The following PRDM16 variants were observed in gnomAD, a reference collection of about 807,000 sequenced individuals.
PRDM16 encodes PR/SET domain 16.
Under a neutral mutation model 110.6 loss-of-function variants are expected in PRDM16, and 23 were observed. That is an observed-to-expected ratio of 0.21 (90% confidence interval 0.15 to 0.29). The LOEUF (loss-of-function observed/expected upper bound fraction) is 0.29. Among genes scored for constraint, PRDM16 ranks in the 10% least tolerant of loss-of-function variants. The pLI is 1.00. For synonymous variants in PRDM16, 799 were observed against 781.8 expected (o/e 1.02, Z -0.37); for missense variants, 1,615 against 1,794.3 (o/e 0.90, Z 1.81).
intron 2 of PRDM16, among the ~76,000 whole-genome samples, chr1:3,231,406 T>C (rs4648460): frequency 0.12 from 17,180 of 146,358 alleles, 1,567 homozygotes; most frequent in South Asian, 0.29. Flanking sequence ...CAAGGCCGTC[T>C]CCCCTTCTCC....
At chr1:3,074,186 C>T (rs1200763025) in intron 1 of PRDM16, among the ~76,000 whole-genome samples, 1 of 152,184 alleles carries the variant, frequency 6.6e-6, no homozygotes, top group African/African-American at 2.4e-5. Flanking sequence ...GACAGGACAC[C>T]TCCTCCCTTC....
At chr1:3,159,556 G>A (rs1171538721) in intron 1 of PRDM16, among the ~76,000 whole-genome samples, 1 of 152,174 alleles carries the variant, frequency 6.6e-6, no homozygotes, top group Non-Finnish European at 1.5e-5. Context: ...TTTTCCTTAT[G>A]ACCCCTTTAA....
chr1:3,429,701 G>A (rs578170008), intron 14 of PRDM16, among the ~76,000 whole-genome samples: 4 of 152,202 alleles, frequency 2.6e-5, no homozygotes, highest in Non-Finnish European at 5.9e-5. Flanking sequence ...CAACACAGGC[G>A]ACCAGGACCG....
intron 2 of PRDM16, among the ~76,000 whole-genome samples, chr1:3,241,260 C>G (rs1639667943): frequency 6.6e-6 from 1 of 152,252 alleles, no homozygotes; most frequent in South Asian, 2.1e-4. Context: ...CATCGGGCGC[C>G]GGTTTCCTCT....
chr1:3,389,586 G>A (rs568479921), intron 4 of PRDM16, among the ~76,000 whole-genome samples: 1 of 152,308 alleles, frequency 6.6e-6, no homozygotes, highest in South Asian at 2.1e-4. Context: ...GGCCACATTG[G>A]GCCATGAATT....
intron 3 of PRDM16, among the ~76,000 whole-genome samples, chr1:3,269,515 TGGGAGGAGGACAGTC>T (rs1314222001): frequency 6.9e-5 from 7 of 101,666 alleles, no homozygotes; most frequent in Non-Finnish European, 1.4e-4. Context: ...GGAGGACAGT[TGGGAGGAGGACAGTC>T]GGGGAGGAGC....
rs199507963 is a variant in PRDM16 at position 3,409,737 on chromosome 1, G to GGT, written c.1187-1637_1187-1636dup. On this transcript the variant is annotated intron_variant, in intron 8 of 16. Transcript: ENST00000270722. Reference sequence around the variant, plus strand: ...TGGTTTGTGTGGTGTGTGTAGTGTGGGTGTGTGTGTGGTGTGGGTGTGAGT... The same window carrying GGT: ...TGGTTTGTGTGGTGTGTGTAGTGTGGGTGTGTGTGTGTGGTGTGGGTGTGAGT... 4.8e-5 allele frequency among the ~76,000 whole-genome samples: 7 copies of GGT among 145,938 alleles called. No homozygotes were observed. The East Asian group carries it at 6.3e-4, about 13-fold the overall frequency.
At chr1:3,262,415 A>G (rs983114277) in intron 3 of PRDM16, among the ~76,000 whole-genome samples, 1 of 152,244 alleles carries the variant, frequency 6.6e-6, no homozygotes, top group Admixed American at 6.5e-5. Context: ...AAATTCAACC[A>G]GACCGAGCAG....
Position 3,390,154 on chromosome 1 carries a change from G to C in PRDM16, c.573+4868G>C, listed in dbSNP as rs115313466. 1.3e-5 allele frequency among the ~76,000 whole-genome samples: 2 copies of C among 152,300 alleles called. No individual in the cohort carries two copies. The highest frequency in any genetic ancestry group is 2.1e-4 in the South Asian group (1 of 4,830). ...AAGAGCTTGGCGATGAAGCGCCTGCGGGGGGATGCGGGAGGCAGGGAGGAG... is the reference window on the plus strand; with the variant it reads ...AAGAGCTTGGCGATGAAGCGCCTGCCGGGGGATGCGGGAGGCAGGGAGGAG... On this transcript the variant is annotated intron_variant, in intron 4 of 16. Coordinates refer to ENST00000270722, the MANE Select transcript of PRDM16 (RefSeq NM_022114.4). This position sits in a 1 kb window ranked among gnomAD's most constrained non-coding sequence, Gnocchi z 5.0.
intron 1 of PRDM16, among the ~76,000 whole-genome samples, chr1:3,129,160 G>C (rs1643278134): frequency 2.0e-5 from 3 of 148,370 alleles, no homozygotes; most frequent in African/African-American, 7.7e-5. Flanking sequence ...GTGCGTGTGT[G>C]GGTGGGTGTG....
chr1:3,231,059 G>A (rs367834604), intron 2 of PRDM16, among the ~76,000 whole-genome samples: 5 of 152,150 alleles, frequency 3.3e-5, no homozygotes, highest in Admixed American at 6.5e-5. Flanking sequence ...CCTTGGAGCC[G>A]TGGTGTCTCT....
At chr1:3,196,497 A>G (rs140426330) in intron 2 of PRDM16, among the ~76,000 whole-genome samples, 1,693 of 152,354 alleles carry the variant, frequency 0.011, 31 homozygotes, top group African/African-American at 0.039. Context: ...TGCTGGGGAC[A>G]CTTGGCAGAG....
At chr1:3,399,252 G>A (rs1288635841) in intron 5 of PRDM16, among the ~76,000 whole-genome samples, 1 of 152,224 alleles carries the variant, frequency 6.6e-6, no homozygotes, top group Non-Finnish European at 1.5e-5. Flanking sequence ...AGGAGGCAGT[G>A]CGTGGAGGAC....
At position 3,246,073 on chromosome 1, in the gene PRDM16, G is replaced by GC. The variant is rs1221153498; in HGVS notation, c.438+1939dup. The stretch of plus-strand genomic sequence containing the variant: ...AAAAGGTCAAGTCTAGATTTAAAGG[G>GC]CCCGGGGGAGGCAAGTGCTGGCTGC... On this transcript the variant is annotated intron_variant, in intron 3 of 16. Transcript: ENST00000270722. This position sits in a 1 kb window ranked among gnomAD's most constrained non-coding sequence, Gnocchi z 5.2. Among the ~76,000 whole-genome samples the GC allele has an allele frequency of 2.0e-5, 3 of 152,162 alleles. No individual in the cohort carries two copies. The highest frequency in any genetic ancestry group is 7.2e-5 in the African/African-American group (3 of 41,440).
At chr1:3,221,239 T>A (rs747282765) in intron 2 of PRDM16, among the ~76,000 whole-genome samples, 2 of 152,178 alleles carry the variant, frequency 1.3e-5, no homozygotes, top group African/African-American at 2.4e-5. Context: ...AGGGAAACAG[T>A]CTCTAGACTA....
intron 3 of PRDM16, among the ~76,000 whole-genome samples, chr1:3,305,176 C>T (rs1381967774): frequency 6.6e-6 from 1 of 152,314 alleles, no homozygotes; most frequent in Admixed American, 6.5e-5. Flanking sequence ...ATGATGTGGT[C>T]CTTTTGTTCA....
intron 2 of PRDM16, among the ~76,000 whole-genome samples, chr1:3,229,479 T>A (rs117714320): frequency 6.6e-6 from 1 of 152,316 alleles, no homozygotes; most frequent in East Asian, 1.9e-4. Flanking sequence ...GGTGACCTTG[T>A]CATGTTTGTT....
intron 2 of PRDM16, among the ~76,000 whole-genome samples, chr1:3,232,168 T>C (rs79118960): frequency 0.037 from 5,574 of 152,318 alleles, 266 homozygotes; most frequent in African/African-American, 0.1. Flanking sequence ...AGCAAAGCTC[T>C]TCATCTCCCT....
At chr1:3,395,606 G>A (rs796543607) in intron 4 of PRDM16, among the ~76,000 whole-genome samples, 6 of 152,334 alleles carry the variant, frequency 3.9e-5, no homozygotes, top group African/African-American at 1.4e-4. Flanking sequence ...GACACTCCCG[G>A]ACCGAAGACA....
Sources: allele counts gnomAD v4.1 joint callset (sites outside exome capture counted in the v4.1 genomes callset), GRCh38; gene constraint gnomAD v4.1.1; non-coding constraint Gnocchi (gnomAD v3.1); transcripts MANE v1.5; gene names NCBI Gene and HGNC (gene_info 2026-07-23, HGNC 2026-07-21).